Variants in MEF2C observed in about 807,000 individuals in gnomAD.
MEF2C encodes the protein myocyte enhancer factor 2C.
A neutral mutation model predicts 50.5 loss-of-function variants in MEF2C; 6 were observed. That is an observed-to-expected ratio of 0.12 (90% CI 0.07 to 0.23). MEF2C has a LOEUF of 0.23. MEF2C is among the 10% of genes least tolerant of loss of function. The probability of loss-of-function intolerance (pLI) is 1.00; values close to 1 mark genes in which losing one functional copy is unlikely to be tolerated. For synonymous variants in MEF2C, 183 were observed against 228.0 expected (o/e 0.80, Z 1.78); for missense variants, 276 against 605.0 (o/e 0.46, Z 5.70).
At chr5:88,742,806 G>C (rs887081008) in intron 6 of MEF2C, 44 of 985,144 alleles carry the variant, frequency 4.5e-5, no homozygotes, top group Non-Finnish European at 5.2e-5. Flanking sequence ...TAATTTGCTT[G>C]GTTTTGTATA....
intron 1 of MEF2C, among the ~76,000 whole-genome samples, chr5:88,869,709 GACA>G (rs1031536884): frequency 6.6e-6 from 1 of 150,432 alleles, no homozygotes; most frequent in East Asian, 1.9e-4. Flanking sequence ...TTTTTATGAA[GACA>G]ACAAAAACTG....
At chr5:88,780,564 G>A (rs143811266) in intron 3 of MEF2C, among the ~76,000 whole-genome samples, 2 of 152,280 alleles carry the variant, frequency 1.3e-5, no homozygotes, top group African/African-American at 4.8e-5. Context: ...ATACATTAGA[G>A]TGTTCCTGGC....
chr5:88,856,788 A>G (rs773224593), intron 1 of MEF2C, among the ~76,000 whole-genome samples: 17 of 152,252 alleles, frequency 1.1e-4, no homozygotes, highest in Non-Finnish European at 2.1e-4. Flanking sequence ...CCCAGATTTC[A>G]GAGGATGTGT....
chr5:88,874,230 T>C (rs1227847123), intron 1 of MEF2C, among the ~76,000 whole-genome samples: 4 of 151,966 alleles, frequency 2.6e-5, no homozygotes, highest in Non-Finnish European at 5.9e-5. Context: ...AGATAGCGAA[T>C]TTTCTATTTT....
chr5:88,835,771 C>A (rs1195122939), intron 1 of MEF2C, among the ~76,000 whole-genome samples: 1 of 147,558 alleles, frequency 6.8e-6, no homozygotes. Context: ...TGAGGTTGCA[C>A]CATTGCACTC....
intron 3 of MEF2C, among the ~76,000 whole-genome samples, chr5:88,793,302 T>C (rs1794610849): frequency 6.6e-6 from 1 of 151,918 alleles, no homozygotes; most frequent in African/African-American, 2.4e-5. Flanking sequence ...AATGTACGTA[T>C]GTACGATGTG....
intron 3 of MEF2C, among the ~76,000 whole-genome samples, chr5:88,786,358 C>G (rs552197162): frequency 2.6e-5 from 4 of 152,132 alleles, no homozygotes; most frequent in Admixed American, 2.6e-4. Flanking sequence ...GATTAAACTG[C>G]GAGAAAAGTT....
intron 1 of MEF2C, among the ~76,000 whole-genome samples, chr5:88,899,128 C>T (rs1835390614): frequency 6.6e-6 from 1 of 152,116 alleles, no homozygotes; most frequent in Non-Finnish European, 1.5e-5. Context: ...AGCTTCGTGT[C>T]ATAACATAAT....
chr5:88,735,075 G>C (rs1763538080), intron 6 of MEF2C: 2 of 985,356 alleles, frequency 2.0e-6, no homozygotes, highest in Non-Finnish European at 2.4e-6. Flanking sequence ...AGGAATGCAA[G>C]ACTGTGGATC....
intron 2 of MEF2C, among the ~76,000 whole-genome samples, chr5:88,822,925 A>T (rs138457962): frequency 1.3e-5 from 2 of 152,054 alleles, no homozygotes; most frequent in African/African-American, 4.8e-5. Context: ...TTGATATTTA[A>T]CGTTATACAA....
chr5:88,750,433 C>T (rs1288634407), intron 5 of MEF2C, among the ~76,000 whole-genome samples: 1 of 151,980 alleles, frequency 6.6e-6, no homozygotes, highest in Non-Finnish European at 1.5e-5. Context: ...GTCTTGAATT[C>T]CTGGGCTCAA....
chr5:88,838,750 C>CT (rs1816153431), intron 1 of MEF2C: 1 of 982,024 alleles, frequency 1.0e-6, no homozygotes, highest in Admixed American at 6.2e-5. Context: ...TCGTTATGCT[C>CT]TTTCTCTTTC....
chr5:88,872,150 G>T (rs1380733299), intron 1 of MEF2C, among the ~76,000 whole-genome samples: 1 of 151,934 alleles, frequency 6.6e-6, no homozygotes, highest in East Asian at 1.9e-4. Context: ...GGTTATTAAT[G>T]TATACAAAAG....
At chr5:88,744,094 A>G (rs931348279) in intron 6 of MEF2C, 60 of 984,736 alleles carry the variant, frequency 6.1e-5, no homozygotes, top group Non-Finnish European at 7.1e-5. Flanking sequence ...CTACTCAATA[A>G]AAGGCAATCG....
chr5:88,840,048 GGCAAGAGT>G (rs1816767927), intron 1 of MEF2C, among the ~76,000 whole-genome samples: 1 of 152,036 alleles, frequency 6.6e-6, no homozygotes, highest in African/African-American at 2.4e-5. Context: ...TATTAATATT[GGCAAGAGT>G]TATGCAAGGT....
upstream of MEF2C, chr5:88,888,160 A>G (rs555739896): frequency 1.1e-4 from 17 of 152,380 alleles, no homozygotes; most frequent in African/African-American, 4.1e-4. Flanking sequence ...TCTATTACCA[A>G]TAATACCTTA....
At chr5:88,768,511 T>G in intron 3 of MEF2C, 2 of 170,768 alleles carry the variant, frequency 1.2e-5, no homozygotes, top group Non-Finnish European at 2.4e-5. Context: ...TAAAGATGAT[T>G]TGTTTATGTA....
chr5:88,881,614 A>G (rs191285493), intron 1 of MEF2C, among the ~76,000 whole-genome samples: 155 of 152,276 alleles, frequency 1.0e-3, no homozygotes, highest in Admixed American at 1.9e-3. Flanking sequence ...AGGTGGTCAC[A>G]TTTCCATGTC....
At chr5:88,890,557 G>C (rs1157552084) in intron 1 of MEF2C, among the ~76,000 whole-genome samples, 5 of 152,154 alleles carry the variant, frequency 3.3e-5, no homozygotes, top group Non-Finnish European at 7.4e-5. Context: ...GCCACATGTG[G>C]CTAGTGGCTC....
Sources: gnomAD v4.1 joint callset for allele counts (sites outside exome capture counted in the v4.1 genomes callset) on GRCh38, gnomAD v4.1.1 for gene constraint, MANE v1.5 for transcripts, NCBI Gene and HGNC (gene_info 2026-07-23, HGNC 2026-07-21) for gene names.